Variants in COMMD10 observed in about 807,000 individuals in gnomAD.
The protein encoded by COMMD10 is COMM domain containing 10, also known as COMM domain-containing protein 10.
A neutral mutation model predicts 28.9 loss-of-function variants in COMMD10; 33 were observed. The ratio of observed to expected loss-of-function variants is 1.14; its 90% CI spans 0.87 to 1.53. The LOEUF (loss-of-function observed/expected upper bound fraction) is 1.53. Among genes scored for constraint, COMMD10 ranks in the 40% most tolerant of loss-of-function variants. The pLI is 0.00. For synonymous variants in COMMD10, 110 were observed against 81.7 expected (o/e 1.35, Z -1.87); for missense variants, 310 against 233.4 (o/e 1.33, Z -2.14).
chr5:116,100,035 A>G (rs1750606427), intron 4 of COMMD10, among the ~76,000 whole-genome samples: 1 of 152,196 alleles, frequency 6.6e-6, no homozygotes, highest in African/African-American at 2.4e-5. Flanking sequence ...CCTTATATAC[A>G]TAGCCTGAAG....
intron 5 of COMMD10, chr5:116,217,927 TAAAAC>T (rs1749148103): frequency 1.5e-6 from 1 of 684,266 alleles, no homozygotes; most frequent in South Asian, 1.6e-5. Context: ...AAAAAAAAAG[TAAAAC>T]AAAATTTTGC....
chr5:116,144,179 G>C (rs1267815671), intron 5 of COMMD10, among the ~76,000 whole-genome samples: 1 of 151,832 alleles, frequency 6.6e-6, no homozygotes, highest in African/African-American at 2.4e-5. Flanking sequence ...CATGAGAATG[G>C]AAGAGATCAC....
chr5:116,257,716 A>G (rs1297167857), intron 5 of COMMD10, among the ~76,000 whole-genome samples: 1 of 151,786 alleles, frequency 6.6e-6, no homozygotes, highest in Non-Finnish European at 1.5e-5. Context: ...TTTTTCAGAA[A>G]GAAATAATAT....
chr5:116,098,495 T>A (rs761146138), intron 4 of COMMD10, among the ~76,000 whole-genome samples: 3 of 152,206 alleles, frequency 2.0e-5, no homozygotes, highest in Non-Finnish European at 4.4e-5. Flanking sequence ...AAAGTGAAAC[T>A]TGAATTTGCC....
intron 5 of COMMD10, among the ~76,000 whole-genome samples, chr5:116,158,596 C>A (rs931034587): frequency 6.7e-6 from 1 of 149,318 alleles, no homozygotes; most frequent in African/African-American, 2.5e-5. Flanking sequence ...CTGGCTTAAG[C>A]CTCTCAAAGT....
chr5:116,162,672 T>G (rs1027774797), intron 5 of COMMD10, among the ~76,000 whole-genome samples: 3 of 152,186 alleles, frequency 2.0e-5, no homozygotes, highest in Admixed American at 2.0e-4. Context: ...ACACTATAAT[T>G]AGCAACAAAG....
At chr5:116,163,423 TAAA>T (rs58449487) in intron 5 of COMMD10, among the ~76,000 whole-genome samples, 3 of 92,522 alleles carry the variant, frequency 3.2e-5, no homozygotes, top group East Asian at 6.1e-4. Flanking sequence ...CACCTCTACT[TAAA>T]AAAAAAAAAA....
chr5:116,231,333 A>T (rs1284447489), intron 5 of COMMD10, among the ~76,000 whole-genome samples: 3 of 152,088 alleles, frequency 2.0e-5, no homozygotes, highest in Non-Finnish European at 4.4e-5. Flanking sequence ...GTACATTCTG[A>T]CTGATTCTAT....
chr5:116,151,741 C>G (rs1462249583), intron 5 of COMMD10, among the ~76,000 whole-genome samples: 1 of 152,048 alleles, frequency 6.6e-6, no homozygotes, highest in East Asian at 1.9e-4. Flanking sequence ...TTTGATTCTT[C>G]TCTCTTTTCT....
At chr5:116,255,751 A>G (rs914891735) in intron 5 of COMMD10, 4 of 139,578 alleles carry the variant, frequency 2.9e-5, no homozygotes, top group Non-Finnish European at 6.0e-5. Flanking sequence ...CTTATTCTTT[A>G]TATCTTACAG....
At chr5:116,171,219 AC>A (rs1252685877) in intron 5 of COMMD10, among the ~76,000 whole-genome samples, 1 of 152,230 alleles carries the variant, frequency 6.6e-6, no homozygotes, top group African/African-American at 2.4e-5. Context: ...CAGCAGACAT[AC>A]GAAAAAAAGC....
At chr5:116,211,797 C>T (rs1015829802) in intron 5 of COMMD10, among the ~76,000 whole-genome samples, 1 of 152,068 alleles carries the variant, frequency 6.6e-6, no homozygotes, top group Non-Finnish European at 1.5e-5. Context: ...CACACTCTCT[C>T]ACAGAGGCAG....
chr5:116,156,953 A>G (rs1326202652), intron 5 of COMMD10, among the ~76,000 whole-genome samples: 1 of 152,084 alleles, frequency 6.6e-6, no homozygotes, highest in Non-Finnish European at 1.5e-5. Flanking sequence ...ATATTGCCTT[A>G]TGGTGTACAG....
intron 5 of COMMD10, among the ~76,000 whole-genome samples, chr5:116,147,975 A>T (rs1752399196): frequency 6.6e-6 from 1 of 151,812 alleles, no homozygotes; most frequent in South Asian, 2.1e-4. Flanking sequence ...CTACTCAGCA[A>T]CATCATTTTA....
chr5:116,281,218 A>G (rs898915531), intron 5 of COMMD10, among the ~76,000 whole-genome samples: 2 of 151,714 alleles, frequency 1.3e-5, no homozygotes, highest in Non-Finnish European at 2.9e-5. Flanking sequence ...TGAAAAATGT[A>G]TATGTGTTCC....
At chr5:116,233,560 G>T (rs1749582369) in intron 5 of COMMD10, among the ~76,000 whole-genome samples, 2 of 152,112 alleles carry the variant, frequency 1.3e-5, no homozygotes, top group South Asian at 4.1e-4. Context: ...TTACATAGAA[G>T]CTATGAAGGG....
chr5:116,109,994 G>A (rs1750990622), intron 4 of COMMD10, among the ~76,000 whole-genome samples: 1 of 152,178 alleles, frequency 6.6e-6, no homozygotes, highest in Non-Finnish European at 1.5e-5. Context: ...TCAGTGTGAT[G>A]TTGTCTGTGG....
chr5:116,128,258 T>A (rs1751729334), intron 4 of COMMD10, among the ~76,000 whole-genome samples: 1 of 152,044 alleles, frequency 6.6e-6, no homozygotes, highest in African/African-American at 2.4e-5. Context: ...AGGTGACATT[T>A]TAGTAACATT....
At chr5:116,147,675 T>C (rs1752392795) in intron 5 of COMMD10, among the ~76,000 whole-genome samples, 1 of 151,834 alleles carries the variant, frequency 6.6e-6, no homozygotes, top group Non-Finnish European at 1.5e-5. Context: ...TAATGGAAAA[T>C]GAATGTGTAG....
Sources: allele counts gnomAD v4.1 joint callset (sites outside exome capture counted in the v4.1 genomes callset), GRCh38; gene constraint gnomAD v4.1.1; transcripts MANE v1.5; gene names NCBI Gene and HGNC (gene_info 2026-07-23, HGNC 2026-07-21).